EIF2AK4: variants seen among roughly 807,000 people sequenced by gnomAD.
EIF2AK4 encodes eIF-2-alpha kinase GCN2.
EIF2AK4 carries 139 observed loss-of-function variants against 211.1 expected under a neutral mutation model. That is an observed-to-expected ratio of 0.66 (90% CI 0.57 to 0.76). EIF2AK4 has a LOEUF of 0.76. Among genes scored for constraint, EIF2AK4 ranks in the 30% least tolerant of loss-of-function variants. EIF2AK4 has a pLI of 0.00. For missense variants in EIF2AK4, 1,664 were observed against 2,043.8 expected, an observed-to-expected ratio of 0.81 and a Z score of 3.58; for synonymous variants, 710 against 751.3, an observed-to-expected ratio of 0.94 and a Z score of 0.90.
At chr15:39,936,417 C>T (rs1271092740) in intron 1 of EIF2AK4, among the ~76,000 whole-genome samples, 3 of 152,062 alleles carry the variant, frequency 2.0e-5, no homozygotes, top group Non-Finnish European at 4.4e-5. Context: ...ATCCTTTATC[C>T]AAAACTCTTT....
At chr15:40,032,901 T>C in intron 37 of EIF2AK4, 100 bp downstream of exon 37, 1 of 959,974 alleles carries the variant, frequency 1.0e-6, no homozygotes, top group Non-Finnish European at 1.5e-6. Context: ...AGTGATAGTA[T>C]TTTTCTGGCA....
rs756715574 is a variant in EIF2AK4, at chr15:39,934,188, G to T, written c.-8G>T. 1 of 1,532,498 alleles carries T rather than the reference G, an allele frequency of 6.5e-7. No individual in the cohort carries two copies. The highest frequency in any genetic ancestry group is 1.2e-5 in the South Asian group (1 of 83,370). The allele number at this position is 1,532,498 out of a possible 1,614,324, so 94.9% of individuals were successfully genotyped here. A position where few individuals can be genotyped will look rare whatever the true frequency, so the allele number is the denominator to read the frequency against. ...GCAAGGCCGCCCTGCCTTGGGCGCA[G>T]CGCTGCCATGGCTGGGGGCCGTGGG... On this transcript the variant is annotated 5_prime_UTR_variant, in exon 1 of 39. Transcript: ENST00000263791.
chr15:40,000,909 C>A, intron 20 of EIF2AK4, 79 bp from the exon 21 acceptor site: 12 of 1,420,698 alleles, frequency 8.4e-6, no homozygotes, highest in Non-Finnish European at 1.2e-5. Flanking sequence ...TTGACCTGAA[C>A]TGACTACTGA....
chr15:40,021,689 C>A (rs2035389385), intron 31 of EIF2AK4: 1 of 152,442 alleles, frequency 6.6e-6, no homozygotes, highest in Non-Finnish European at 1.5e-5. Flanking sequence ...AAGTGGCACC[C>A]AGGACACATG....
chr15:39,943,232 C>T (rs1480964796), intron 2 of EIF2AK4, 151 bp from the exon 3 acceptor site: 1 of 563,750 alleles, frequency 1.8e-6, no homozygotes. Context: ...GGTGACTCCA[C>T]TGTCAACTGG....
intron 7 of EIF2AK4, 38 bp from the exon 8 acceptor site, chr15:39,965,648 C>G (rs760394250): frequency 3.1e-6 from 5 of 1,607,668 alleles, no homozygotes; most frequent in Non-Finnish European, 4.3e-6. Flanking sequence ...AGAAAACATA[C>G]CAGTGGGATT....
chr15:40,020,211 TC>T (rs1567007667), intron 30 of EIF2AK4, among the ~76,000 whole-genome samples: 1 of 151,188 alleles, frequency 6.6e-6, no homozygotes, highest in Non-Finnish European at 1.5e-5. Context: ...CCTGCTGTGG[TC>T]TACAAAGCTA....
intron 25 of EIF2AK4, among the ~76,000 whole-genome samples, chr15:40,009,069 TTTTTGTTTTGTTTTG>T (rs57240792): frequency 1.7e-3 from 247 of 146,780 alleles, no homozygotes; most frequent in Non-Finnish European, 2.8e-3. Context: ...GTCAGAGTTG[TTTTTGTTTTGTTTTG>T]TTTTGTTTTG....
chr15:39,977,452 C>G (rs1309601299), intron 12 of EIF2AK4: 1 of 152,304 alleles, frequency 6.6e-6, no homozygotes, highest in East Asian at 1.9e-4. Flanking sequence ...GGCCTTAATG[C>G]TTGCTCACCT....
chr15:40,021,148 T>G (rs2035382390), intron 31 of EIF2AK4, 121 bp downstream of exon 31: 1 of 1,148,852 alleles, frequency 8.7e-7, no homozygotes, highest in Non-Finnish European at 1.2e-6. Flanking sequence ...TTGCCTCCTG[T>G]GTTAGTTTCT....
At chr15:40,017,551 A>ATATATATGTATATG (rs71132134) in intron 29 of EIF2AK4, among the ~76,000 whole-genome samples, 41 of 86,996 alleles carry the variant, frequency 4.7e-4, no homozygotes, top group African/African-American at 1.5e-3. Context: ...ATATATATAT[A>ATATATATGTATATG]TATGTATTTT....
intron 6 of EIF2AK4, among the ~76,000 whole-genome samples, chr15:39,958,993 C>T (rs1016544058): frequency 6.6e-6 from 1 of 151,796 alleles, no homozygotes; most frequent in Non-Finnish European, 1.5e-5. Flanking sequence ...TATTATGTTT[C>T]TCTGTTCTTT....
At position 40,003,313 on chromosome 15, in the gene EIF2AK4, G is replaced by T. The variant is rs534491026; in HGVS notation, c.3356G>T (p.Arg1119Leu). 6.2e-7 allele frequency: 1 copy of T among 1,613,948 alleles called. No homozygotes were observed. The highest frequency in any genetic ancestry group is 2.2e-5 in the East Asian group (1 of 44,892). Reference protein sequence around the residue: ...GMLVMLPFDLRIPFARYVARN... With the variant: ...GMLVMLPFDLLIPFARYVARN... ...CTGGTGATGCTTCCTTTTGACCTGC[G>T]GGTGAGGCTGGGAACACACTGCTGA... is the stretch of plus-strand genomic sequence containing the variant. Residue 1119 changes from arginine (R) to leucine (L), a missense_variant and splice_region_variant, in exon 23 of 39, where the codon CGG becomes CTG. Arg to Leu is a moderately radical substitution (Grantham distance 102). This residue lies in a region of EIF2AK4 where 622 missense variants were observed against 796.8 expected (regional missense o/e 0.78). Transcript: ENST00000263791.
At chr15:40,016,013 G>A (rs2035298594) in intron 27 of EIF2AK4, among the ~76,000 whole-genome samples, 1 of 152,194 alleles carries the variant, frequency 6.6e-6, no homozygotes, top group African/African-American at 2.4e-5. Context: ...TCAGGAGGCT[G>A]CCCACAGGAG....
intron 1 of EIF2AK4, among the ~76,000 whole-genome samples, chr15:39,936,359 A>G (rs2034064083): frequency 1.3e-5 from 2 of 152,182 alleles, no homozygotes; most frequent in Admixed American, 1.3e-4. Context: ...TTCAACAAGC[A>G]CTTATTATCA....
At position 39,949,285 on chromosome 15, in the gene EIF2AK4, G is replaced by A. The variant is rs200996656; in HGVS notation, c.513+17G>A. ...GAGCAGGAGGTGAGATGCCCTTGTC[G>A]ATGTCTGTGTGCATGGCCAGCCTGG... On this transcript the variant is annotated intron_variant, in intron 4 of 38. Transcript: ENST00000263791. The A allele has an allele frequency of 7.9e-5, 128 of 1,612,570 alleles. No individual in the cohort carries two copies. The African/African-American group carries it at 1.6e-3, about 20-fold the overall frequency.
intron 18 of EIF2AK4, among the ~76,000 whole-genome samples, chr15:39,993,916 T>C (rs12591670): frequency 0.82 from 124,639 of 152,070 alleles, 53,823 homozygotes; most frequent in Non-Finnish European, 0.98. Context: ...ATTTTCCCAA[T>C]GGAAGGGATG....
chr15:40,003,146 G>A (rs1395365479), intron 22 of EIF2AK4, 47 bp from the exon 23 acceptor site: 2 of 1,606,098 alleles, frequency 1.2e-6, no homozygotes, highest in Non-Finnish European at 1.7e-6. Flanking sequence ...TGCCTTCTAA[G>A]GAGAATGTGA....
At position 39,986,491 on chromosome 15, in the gene EIF2AK4, C is replaced by T. The variant is rs139817793; in HGVS notation, c.2403+603C>T. Among the ~76,000 whole-genome samples, 372 of 152,372 alleles carry T rather than the reference C, an allele frequency of 2.4e-3. 2 individuals are homozygous for T. The highest frequency in any genetic ancestry group is 8.3e-3 in the African/African-American group (345 of 41,590). The stretch of plus-strand genomic sequence containing the variant: ...CATGACTGAGAAGTCTGAGCTTTGG[C>T]CTGCCTACCTGCCAGAGCAACAACA... On this transcript the variant is annotated intron_variant, in intron 14 of 38. Coordinates refer to ENST00000263791, the MANE Select transcript of EIF2AK4 (RefSeq NM_001013703.4).
Sources: gnomAD v4.1 joint callset for allele counts (sites outside exome capture counted in the v4.1 genomes callset) on GRCh38, gnomAD v4.1.1 for gene constraint, gnomAD v4.1.1 regional missense constraint, MANE v1.5 for transcripts, NCBI Gene and HGNC (gene_info 2026-07-23, HGNC 2026-07-21) for gene names.